The following C1orf87 variants were observed in gnomAD, a reference collection of about 807,000 sequenced individuals.
C1orf87 encodes the protein uncharacterized protein C1orf87.
Under a neutral mutation model 60.5 loss-of-function variants are expected in C1orf87, and 58 were observed. That is an observed-to-expected ratio of 0.96 (90% CI 0.78 to 1.19). The LOEUF is 1.19. Ranked by LOEUF, C1orf87 falls within the 50% of genes most tolerant of loss-of-function variation. The probability of loss-of-function intolerance (pLI) is 0.00; values close to 1 mark genes in which losing one functional copy is unlikely to be tolerated. For synonymous variants in C1orf87, 236 were observed against 227.4 expected, an observed-to-expected ratio of 1.04 and a Z score of -0.34; for missense variants, 673 against 638.6, an observed-to-expected ratio of 1.05 and a Z score of -0.58.
intron 9 of C1orf87, among the ~76,000 whole-genome samples, chr1:60,005,770 C>CGTGTGTGTGTGTGTGTGTGTGTGTGT (rs139222813): frequency 5.6e-5 from 8 of 144,014 alleles, no homozygotes; most frequent in African/African-American, 2.0e-4. Flanking sequence ...GAAGCTGATT[C>CGTGTGTGTGTGTGTGTGTGTGTGTGT]GTGTGTGTGT....
intron 5 of C1orf87, among the ~76,000 whole-genome samples, chr1:60,038,524 G>A (rs1007536071): frequency 3.2e-4 from 49 of 151,912 alleles, no homozygotes; most frequent in Middle Eastern, 3.4e-3. Context: ...TGGCTCTATG[G>A]AAATAAACAT....
At position 60,055,344 on chromosome 1, in the gene C1orf87, G is replaced by T. The variant is rs192013463; in HGVS notation, c.202C>A (p.Pro68Thr). The T allele has an allele frequency of 4.7e-5, 76 of 1,614,080 alleles. No homozygotes were observed. In the African/African-American group the frequency reaches 7.6e-4, roughly 16 times the overall value. Residue 68 changes from proline (P) to threonine (T), a missense_variant, in exon 3 of 12, where the codon CCC (proline) becomes ACC (threonine). Physicochemically the swap from Pro to Thr is conservative, Grantham distance 38 (BLOSUM62 -1). Coordinates refer to ENST00000371201, the MANE Select transcript of C1orf87 (RefSeq NM_152377.3). ...GTTTGCTGATCAGTGAAGTTAATGGGAACTGGGGTGTCTCTGCTCATCTGC... is the reference window on the plus strand; with the variant it reads ...GTTTGCTGATCAGTGAAGTTAATGGTAACTGGGGTGTCTCTGCTCATCTGC... ...ARQMSRDTPV[P>T]INFTDQQTTD...
At chr1:60,001,049 C>A in intron 10 of C1orf87, 28 bp downstream of exon 10, 1 of 1,583,586 alleles carries the variant, frequency 6.3e-7, no homozygotes, top group South Asian at 1.1e-5. Flanking sequence ...AAACCTTCCC[C>A]CAAACTCTAT....
intron 9 of C1orf87, 127 bp from the exon 10 acceptor site, chr1:60,001,283 T>C (rs1645002525): frequency 3.1e-6 from 2 of 640,750 alleles, no homozygotes; most frequent in Non-Finnish European, 2.4e-6. Flanking sequence ...TGGTTGGCAC[T>C]GTGTTAGGTA....
At chr1:60,016,507 C>G (rs1027133173) in intron 8 of C1orf87, among the ~76,000 whole-genome samples, 4 of 152,164 alleles carry the variant, frequency 2.6e-5, no homozygotes, top group Non-Finnish European at 5.9e-5. Flanking sequence ...AAGTACAGCC[C>G]TTCCCTGATA....
chr1:60,052,760 C>G (rs960800554), intron 3 of C1orf87, among the ~76,000 whole-genome samples: 1 of 152,196 alleles, frequency 6.6e-6, no homozygotes, highest in African/African-American at 2.4e-5. Context: ...TGATAAGGAT[C>G]TAGAAAGAGT....
At chr1:60,048,184 C>T (rs2100308487) in intron 3 of C1orf87, among the ~76,000 whole-genome samples, 1 of 152,270 alleles carries the variant, frequency 6.6e-6, no homozygotes, top group East Asian at 1.9e-4. Flanking sequence ...ATCAATCTCT[C>T]TCGGATCACT....
At chr1:60,009,414 G>A (rs2100254810) in intron 9 of C1orf87, among the ~76,000 whole-genome samples, 1 of 152,142 alleles carries the variant, frequency 6.6e-6, no homozygotes, top group Middle Eastern at 3.4e-3. Flanking sequence ...CCAGAACTGA[G>A]AGAATAAACT....
chr1:60,062,061 T>C (rs1303774095), intron 2 of C1orf87, among the ~76,000 whole-genome samples: 3 of 152,188 alleles, frequency 2.0e-5, no homozygotes, highest in Non-Finnish European at 4.4e-5. Flanking sequence ...CCTGTGTCTC[T>C]TGACCAAAGG....
intron 8 of C1orf87, among the ~76,000 whole-genome samples, chr1:60,024,269 C>G (rs642885): frequency 0.31 from 46,929 of 151,992 alleles, 7,679 homozygotes; most frequent in South Asian, 0.49. Context: ...AATTAAGTTG[C>G]TCAAAAACAT....
chr1:60,067,352 C>T (rs1645553807), intron 2 of C1orf87, among the ~76,000 whole-genome samples: 1 of 151,980 alleles, frequency 6.6e-6, no homozygotes, highest in Admixed American at 6.6e-5. Context: ...TCAATGATTG[C>T]CATTCTAACT....
intron 11 of C1orf87, among the ~76,000 whole-genome samples, chr1:59,992,861 T>C (rs1644934579): frequency 6.6e-6 from 1 of 152,212 alleles, no homozygotes; most frequent in Non-Finnish European, 1.5e-5. Flanking sequence ...TCTATTCTGT[T>C]CTGGTTTGTT....
intron 2 of C1orf87, among the ~76,000 whole-genome samples, 198 bp from the exon 3 acceptor site, chr1:60,055,636 GC>G (rs1208635650): frequency 6.6e-6 from 1 of 152,064 alleles, no homozygotes; most frequent in East Asian, 1.9e-4. Context: ...ATCTTTGCAG[GC>G]TTTATCTTTT....
intron 3 of C1orf87, among the ~76,000 whole-genome samples, chr1:60,041,431 T>A (rs1259499203): frequency 6.6e-6 from 1 of 152,170 alleles, no homozygotes; most frequent in Non-Finnish European, 1.5e-5. Flanking sequence ...ATAAGGTGTT[T>A]ATAGGCAAAT....
intron 7 of C1orf87, among the ~76,000 whole-genome samples, chr1:60,030,234 T>C (rs1183417441): frequency 6.6e-6 from 1 of 152,190 alleles, no homozygotes; most frequent in East Asian, 1.9e-4. Flanking sequence ...ATGGGTTAAA[T>C]ATGCCATATT....
At chr1:60,020,915 A>G (rs963015108) in intron 8 of C1orf87, among the ~76,000 whole-genome samples, 6 of 152,100 alleles carry the variant, frequency 3.9e-5, no homozygotes, top group Admixed American at 3.3e-4. Context: ...TGTAATCCCC[A>G]TGTATTGAAG....
In C1orf87 at chr1:60,001,067, A is replaced by T. The variant is rs753156477; in HGVS notation, c.1272+10T>A. On this transcript the variant is annotated intron_variant, in intron 10 of 11. Transcript: ENST00000371201. ...CCTTCCCCCAAACTCTATATACCCC[A>T]GGTGCATACCATATGTTCAGTTTTG... 1 of 1,603,284 alleles carries T rather than the reference A, an allele frequency of 6.2e-7. No individual in the cohort carries two copies. Among genetic ancestry groups the T allele is most frequent in the Non-Finnish European group, 8.5e-7 (1 of 1,171,858 alleles).
At chr1:60,053,998 A>G (rs1486183397) in intron 3 of C1orf87, among the ~76,000 whole-genome samples, 2 of 152,214 alleles carry the variant, frequency 1.3e-5, no homozygotes, top group African/African-American at 4.8e-5. Flanking sequence ...TTTTATAACC[A>G]TAATATTATT....
At position 60,033,421 on chromosome 1, in the gene C1orf87, A is replaced by G; in HGVS notation, c.1029+55T>C. The G allele has an allele frequency of 2.0e-6, 3 of 1,532,724 alleles. No individual in the cohort carries two copies. The South Asian group carries it at 3.7e-5, about 19-fold the overall frequency. 94.9% of individuals were successfully genotyped at this position (1,532,724 alleles called of 1,614,324 possible). ...CCCTGTGCCTTATTGCTATAGACCCAATGCCCTGAAGTGGCCTTTACAGAG... is the reference window on the plus strand; with the variant it reads ...CCCTGTGCCTTATTGCTATAGACCCGATGCCCTGAAGTGGCCTTTACAGAG... On this transcript the variant is annotated intron_variant, in intron 7 of 11. Coordinates refer to ENST00000371201, the MANE Select transcript of C1orf87 (RefSeq NM_152377.3).
Sources: allele counts gnomAD v4.1 joint callset (sites outside exome capture counted in the v4.1 genomes callset), GRCh38; gene constraint gnomAD v4.1.1; transcripts MANE v1.5; gene names NCBI Gene and HGNC (gene_info 2026-07-23, HGNC 2026-07-21).